The following PTBP3 variants were observed in gnomAD, a reference collection of about 807,000 sequenced individuals.
PTBP3 encodes the protein polypyrimidine tract-binding protein 3.
A neutral mutation model predicts 58.7 loss-of-function variants in PTBP3; 20 were observed. The ratio of observed to expected loss-of-function variants is 0.34; its 90% CI spans 0.24 to 0.50. The LOEUF is 0.50. Ranked by LOEUF, PTBP3 falls within the 20% of genes least tolerant of loss-of-function variation. The probability of loss-of-function intolerance (pLI) is 0.98; values close to 1 mark genes in which losing one functional copy is unlikely to be tolerated. For missense variants in PTBP3, 509 were observed against 637.2 expected, an observed-to-expected ratio of 0.80 and a Z score of 2.17; for synonymous variants, 185 against 219.8, an observed-to-expected ratio of 0.84 and a Z score of 1.40.
chr9:112,224,107 T>G, intron 13 of PTBP3, 26 bp downstream of exon 13: 1 of 1,559,068 alleles, frequency 6.4e-7, no homozygotes, highest in South Asian at 1.2e-5. Flanking sequence ...ATAATTTTAA[T>G]GTATTTCTTG....
At chr9:112,346,415 C>T in the PTBP3 span, among the ~76,000 whole-genome samples, 3 of 152,136 alleles carry the variant, frequency 2.0e-5, no homozygotes, top group Non-Finnish European at 2.9e-5. Context: ...GATCCACCTG[C>T]CTCAGCCTCC....
intron 6 of PTBP3, 37 bp downstream of exon 6, chr9:112,252,641 A>C (rs746791678): frequency 3.2e-5 from 46 of 1,447,692 alleles, no homozygotes; most frequent in Non-Finnish European, 4.5e-5. Flanking sequence ...CACTGGAGTG[A>C]TTAACAATTG....
chr9:112,223,350 T>C lies in PTBP3; in HGVS notation c.*501A>G. The C allele has an allele frequency of 1.0e-6, 1 of 973,670 alleles. No homozygotes were observed. The highest frequency in any genetic ancestry group is 5.3e-4 in the Middle Eastern group (1 of 1,886). 60.3% of individuals were successfully genotyped at this position (973,670 alleles called of 1,614,324 possible). A position where few individuals can be genotyped will look rare whatever the true frequency, so the allele number is the denominator to read the frequency against. On this transcript the variant is annotated 3_prime_UTR_variant, in exon 14 of 14. Coordinates refer to ENST00000374257, the MANE Select transcript of PTBP3 (RefSeq NM_001163788.4). ...TAACCATCAATATATGGCAAAGATC[T>C]GATGTACTTTATATGTGAATATAAT...
chr9:112,263,315 G>C (rs2132134449), intron 4 of PTBP3, among the ~76,000 whole-genome samples: 1 of 152,250 alleles, frequency 6.6e-6, no homozygotes, highest in East Asian at 1.9e-4. Flanking sequence ...TATTTACATA[G>C]TCTTAAAGTA....
intron 3 of PTBP3, among the ~76,000 whole-genome samples, 169 bp from the exon 4 acceptor site, chr9:112,268,364 C>T (rs1827207122): frequency 6.6e-6 from 1 of 152,092 alleles, no homozygotes; most frequent in Non-Finnish European, 1.5e-5. Context: ...ATATCATGGA[C>T]GTTAATTAAA....
intron 2 of PTBP3, among the ~76,000 whole-genome samples, chr9:112,286,678 TTTAAA>T (rs1173300055): frequency 1.3e-5 from 2 of 152,200 alleles, no homozygotes; most frequent in Admixed American, 6.5e-5. Flanking sequence ...TCAATAATCC[TTTAAA>T]TTAACAAAAA....
chr9:112,379,016 G>A, the PTBP3 span, among the ~76,000 whole-genome samples: 1 of 152,112 alleles, frequency 6.6e-6, no homozygotes, highest in Non-Finnish European at 1.5e-5. Flanking sequence ...GCGAAACCCC[G>A]TCTCTACTAA....
At chr9:112,289,500 G>A (rs1252080605) in intron 2 of PTBP3, among the ~76,000 whole-genome samples, 2 of 152,152 alleles carry the variant, frequency 1.3e-5, no homozygotes, top group Non-Finnish European at 2.9e-5. Flanking sequence ...GTACCAGGGG[G>A]CCAGGCGCCG....
At chr9:112,327,211 G>GA (rs111322437) in intron 1 of PTBP3, among the ~76,000 whole-genome samples, 228 of 126,638 alleles carry the variant, frequency 1.8e-3, no homozygotes, top group South Asian at 3.9e-3. Flanking sequence ...TGCCTTCAAA[G>GA]AAAAAAAAAA....
chr9:112,226,750 T>C (rs1835004475), intron 12 of PTBP3, among the ~76,000 whole-genome samples: 1 of 152,220 alleles, frequency 6.6e-6, no homozygotes, highest in Admixed American at 6.5e-5. Flanking sequence ...ACACGAAACT[T>C]TATAAAAGGC....
At chr9:112,301,078 A>C (rs1012028548) in intron 1 of PTBP3, among the ~76,000 whole-genome samples, 1 of 152,322 alleles carries the variant, frequency 6.6e-6, no homozygotes, top group African/African-American at 2.4e-5. Flanking sequence ...AAAAGACAAC[A>C]TGGAGAATGG....
chr9:112,273,860 A>G (rs1301337002), intron 3 of PTBP3, among the ~76,000 whole-genome samples: 3 of 152,232 alleles, frequency 2.0e-5, no homozygotes, highest in African/African-American at 4.8e-5. Context: ...TACTAAAAAG[A>G]TATTTTCTAA....
intron 8 of PTBP3, among the ~76,000 whole-genome samples, chr9:112,232,514 A>AG (rs1398026862): frequency 6.6e-6 from 1 of 152,134 alleles, no homozygotes; most frequent in Non-Finnish European, 1.5e-5. Context: ...GGCTTTTCAG[A>AG]GGGTCTATCA....
chr9:112,319,500 G>A (rs904922602), intron 1 of PTBP3, among the ~76,000 whole-genome samples: 4 of 151,986 alleles, frequency 2.6e-5, no homozygotes, highest in Non-Finnish European at 5.9e-5. Context: ...AAAACCACAA[G>A]GAAATATGAC....
intron 10 of PTBP3, among the ~76,000 whole-genome samples, chr9:112,229,749 T>C (rs948926927): frequency 1.3e-5 from 2 of 152,196 alleles, no homozygotes; most frequent in Non-Finnish European, 2.9e-5. Context: ...GTGTTTATTT[T>C]TTGTAGAGAT....
chr9:112,240,832 T>C (rs1345944614), intron 7 of PTBP3, among the ~76,000 whole-genome samples: 1 of 152,070 alleles, frequency 6.6e-6, no homozygotes, highest in Non-Finnish European at 1.5e-5. Flanking sequence ...CCTGACCTTG[T>C]GTAGGCCTAG....
chr9:112,356,671 T>C, the PTBP3 span, among the ~76,000 whole-genome samples: 1 of 151,580 alleles, frequency 6.6e-6, no homozygotes, highest in Admixed American at 6.6e-5. Context: ...ACTGAGGGAA[T>C]TGTTTTCTAG....
chr9:112,223,731 A>C lies in PTBP3; in HGVS notation c.*120T>G, dbSNP rs1011766240. On this transcript the variant is annotated 3_prime_UTR_variant, in exon 14 of 14. Coordinates refer to ENST00000374257, the MANE Select transcript of PTBP3 (RefSeq NM_001163788.4). ...CCCTTGATTTTTAAAATATACTTGA[A>C]TATCAAACTCAGAGTTATTTTTGTG... 6.7e-6 allele frequency: 9 copies of C among 1,343,224 alleles called. No individual in the cohort carries two copies. The highest frequency in any genetic ancestry group is 1.9e-6 in the Non-Finnish European group (2 of 1,061,260). The allele number at this position is 1,343,224 out of a possible 1,614,324, so 83.2% of individuals were successfully genotyped here.
the PTBP3 span, among the ~76,000 whole-genome samples, chr9:112,370,236 TA>T: frequency 6.6e-6 from 1 of 152,160 alleles, no homozygotes; most frequent in Non-Finnish European, 1.5e-5. Flanking sequence ...AACCTTATAG[TA>T]AGTTTTAAAA....
Sources: allele counts gnomAD v4.1 joint callset (sites outside exome capture counted in the v4.1 genomes callset), GRCh38; gene constraint gnomAD v4.1.1; transcripts MANE v1.5; gene names NCBI Gene and HGNC (gene_info 2026-07-23, HGNC 2026-07-21).